NR6A1: variants seen among roughly 807,000 people sequenced by gnomAD.
NR6A1 encodes nuclear receptor subfamily 6 group A member 1.
A neutral mutation model predicts 59.1 loss-of-function variants in NR6A1; 7 were observed. That is an observed-to-expected ratio of 0.12 (90% CI 0.07 to 0.22). NR6A1 has a LOEUF of 0.22. Ranked by LOEUF, NR6A1 falls within the 10% of genes least tolerant of loss-of-function variation. NR6A1 has a pLI of 1.00. For synonymous variants in NR6A1, 243 were observed against 236.1 expected, an observed-to-expected ratio of 1.03 and a Z score of -0.27; for missense variants, 468 against 611.6, an observed-to-expected ratio of 0.77 and a Z score of 2.48.
At chr9:124,708,256 G>T (rs1032847889) in intron 2 of NR6A1, among the ~76,000 whole-genome samples, 1 of 152,264 alleles carries the variant, frequency 6.6e-6, no homozygotes, top group Non-Finnish European at 1.5e-5. Context: ...TCCTGCAGCA[G>T]TCATAAAGCT....
chr9:124,526,931 G>A, intron 7 of NR6A1, 31 bp from the exon 8 acceptor site: 1 of 1,612,596 alleles, frequency 6.2e-7, no homozygotes, highest in Non-Finnish European at 8.5e-7. Context: ...TTAACAGTTG[G>A]CTGTGACACC....
rs1832767581 is a variant in NR6A1 at position 124,520,015 on chromosome 9, C to A, written c.*2690G>T. 1 of 150,288 alleles carries A rather than the reference C, an allele frequency of 6.7e-6. No homozygotes were observed. Among genetic ancestry groups the A allele is most frequent in the South Asian group, 2.1e-4 (1 of 4,726 alleles). The allele number at this position is 150,288 out of a possible 1,614,324, so 9.3% of individuals were successfully genotyped here. A position where few individuals can be genotyped will look rare whatever the true frequency, so the allele number is the denominator to read the frequency against. On this transcript the variant is annotated 3_prime_UTR_variant, in exon 10 of 10. Transcript: ENST00000487099. ...ATTAGAGAAAACATGCACAACTTTTCTCTCCTTCCACTCGCAAAAAGGCTA... is the reference window on the plus strand; with the variant it reads ...ATTAGAGAAAACATGCACAACTTTTATCTCCTTCCACTCGCAAAAAGGCTA...
At chr9:124,548,090 T>C (rs909764585) in intron 3 of NR6A1, among the ~76,000 whole-genome samples, 2 of 131,050 alleles carry the variant, frequency 1.5e-5, no homozygotes, top group African/African-American at 6.0e-5. Context: ...ACACACTTAC[T>C]TACCTGTGGG....
rs547278984 is a variant in NR6A1 at position 124,609,416 on chromosome 9, T to A, written c.143-54846A>T. Among the ~76,000 whole-genome samples the A allele has an allele frequency of 2.0e-5, 3 of 152,290 alleles. No homozygotes were observed. The South Asian group carries it at 6.2e-4, about 32-fold the overall frequency. ...TCAGGTTTATTGAAGATCAGATGGT[T>A]GTAGATGTGCAGCCTTATTTCTGAG... On this transcript the variant is annotated intron_variant, in intron 2 of 9. Transcript: ENST00000487099.
chr9:124,544,556 C>G (rs749498206), intron 3 of NR6A1, among the ~76,000 whole-genome samples: 3 of 152,146 alleles, frequency 2.0e-5, no homozygotes, highest in Non-Finnish European at 4.4e-5. Context: ...GAAAAGAAAA[C>G]TTCTGAACTG....
At chr9:124,751,212 T>C (rs1840489957) in intron 1 of NR6A1, among the ~76,000 whole-genome samples, 1 of 152,210 alleles carries the variant, frequency 6.6e-6, no homozygotes, top group Non-Finnish European at 1.5e-5. Context: ...AGAAAGACAC[T>C]AGTCACACCC....
At chr9:124,717,600 T>C (rs1055561343) in intron 2 of NR6A1, among the ~76,000 whole-genome samples, 1 of 152,240 alleles carries the variant, frequency 6.6e-6, no homozygotes, top group African/African-American at 2.4e-5. Context: ...GGGAATTTTC[T>C]GAAGGGATGG....
chr9:124,653,434 G>C (rs893997992), intron 2 of NR6A1, among the ~76,000 whole-genome samples: 21 of 152,020 alleles, frequency 1.4e-4, no homozygotes, highest in African/African-American at 4.8e-4. Flanking sequence ...TGTTTTTTAA[G>C]AGACAGAGTC....
At chr9:124,583,476 G>A (rs562351991) in intron 2 of NR6A1, among the ~76,000 whole-genome samples, 1 of 152,322 alleles carries the variant, frequency 6.6e-6, no homozygotes, top group South Asian at 2.1e-4. Flanking sequence ...AGGCAGAACT[G>A]TGCTTGTGCT....
chr9:124,764,383 A>C (rs1840871208), intron 1 of NR6A1, among the ~76,000 whole-genome samples: 1 of 152,128 alleles, frequency 6.6e-6, no homozygotes, highest in Non-Finnish European at 1.5e-5. Context: ...TCAGTGTTTT[A>C]GAAGAAAATA....
At chr9:124,565,422 G>A (rs938285003) in intron 2 of NR6A1, among the ~76,000 whole-genome samples, 5 of 151,514 alleles carry the variant, frequency 3.3e-5, no homozygotes, top group South Asian at 4.2e-4. Context: ...ACGAGACTCC[G>A]TCTCAAAAAC....
At chr9:124,535,325 C>A (rs1338380493) in intron 7 of NR6A1, among the ~76,000 whole-genome samples, 1 of 152,202 alleles carries the variant, frequency 6.6e-6, no homozygotes, top group Non-Finnish European at 1.5e-5. Context: ...CACCTGTAAT[C>A]CCAGCACTTT....
intron 2 of NR6A1, among the ~76,000 whole-genome samples, chr9:124,725,864 C>T (rs1307873374): frequency 6.6e-6 from 1 of 152,058 alleles, no homozygotes; most frequent in African/African-American, 2.4e-5. Flanking sequence ...AATGTTAGAC[C>T]AAAGGAGTTT....
chr9:124,653,663 G>A (rs540638674), intron 2 of NR6A1, among the ~76,000 whole-genome samples: 11 of 152,240 alleles, frequency 7.2e-5, no homozygotes, highest in Admixed American at 2.0e-4. Context: ...CCACCATGGC[G>A]TCCCAAAGCA....
intron 9 of NR6A1, among the ~76,000 whole-genome samples, chr9:124,524,325 A>T (rs1047801027): frequency 2.0e-5 from 3 of 152,244 alleles, no homozygotes; most frequent in African/African-American, 7.2e-5. Context: ...AGATAATTTT[A>T]AAAATTGAGA....
At chr9:124,540,774 C>A (rs1333300396) in intron 4 of NR6A1, among the ~76,000 whole-genome samples, 1 of 152,136 alleles carries the variant, frequency 6.6e-6, no homozygotes, top group East Asian at 1.9e-4. Context: ...CCACCCCAGC[C>A]TGGGTGACAG....
At chr9:124,724,231 G>A (rs1453803071) in intron 2 of NR6A1, among the ~76,000 whole-genome samples, 5 of 151,792 alleles carry the variant, frequency 3.3e-5, no homozygotes, top group South Asian at 2.1e-4. Flanking sequence ...AGATGAGCTC[G>A]GACACAACCT....
Position 124,520,475 on chromosome 9 carries a change from A to G in NR6A1, c.*2230T>C, listed in dbSNP as rs1832777546. 1 of 152,386 alleles carries G rather than the reference A, an allele frequency of 6.6e-6. No homozygotes were observed. The highest frequency in any genetic ancestry group is 2.1e-4 in the South Asian group (1 of 4,832). The allele number at this position is 152,386 out of a possible 1,614,324, so 9.4% of individuals were successfully genotyped here. A position where few individuals can be genotyped will look rare whatever the true frequency, so the allele number is the denominator to read the frequency against. On this transcript the variant is annotated 3_prime_UTR_variant, in exon 10 of 10. Transcript: ENST00000487099. Reference sequence around the variant, plus strand: ...CACAAATTAACAACTTGCTCTGTTCAATACTACGTTGTTGGAGAGACATGT... The same window carrying G: ...CACAAATTAACAACTTGCTCTGTTCGATACTACGTTGTTGGAGAGACATGT...
chr9:124,523,311 G>A (rs1169500215), intron 9 of NR6A1, among the ~76,000 whole-genome samples: 1 of 152,122 alleles, frequency 6.6e-6, no homozygotes, highest in African/African-American at 2.4e-5. Context: ...AGAAACTCAG[G>A]GTTAAAAGAG....
Sources: allele counts gnomAD v4.1 joint callset (sites outside exome capture counted in the v4.1 genomes callset), GRCh38; gene constraint gnomAD v4.1.1; transcripts MANE v1.5; gene names NCBI Gene and HGNC (gene_info 2026-07-23, HGNC 2026-07-21).